UBQLN2: variants seen among roughly 807,000 people sequenced by gnomAD.
The protein encoded by UBQLN2 is ubiquilin 2.
In UBQLN2, 2 loss-of-function variants were observed where a neutral mutation model predicts 22.2. That is an observed-to-expected ratio of 0.09 (90% CI 0.04 to 0.28). UBQLN2 has a LOEUF of 0.28. Ranked by LOEUF, UBQLN2 falls within the 10% of genes least tolerant of loss-of-function variation. The pLI, the probability that UBQLN2 is intolerant of heterozygous loss-of-function variation, is 1.00. For missense variants in UBQLN2, 446 were observed against 505.1 expected, an observed-to-expected ratio of 0.88 and a Z score of 1.12; for synonymous variants, 252 against 206.7, an observed-to-expected ratio of 1.22 and a Z score of -1.88.
Position 56,565,115 on chromosome X carries a change from G to A in UBQLN2, c.1242G>A (p.Pro414=), listed in dbSNP as rs778636006. 5.8e-6 allele frequency: 7 copies of A among 1,211,707 alleles called. No homozygotes were observed. Among genetic ancestry groups the A allele is most frequent in the East Asian group, 5.9e-5 (2 of 33,840 alleles). ...CTGCACAGATGATGCTGAATAGCCC[G>A]CTGTTTACTGCAAATCCTCAGCTGC... ...DLAAQMMLNS[P]LFTANPQLQE... Residue 414 remains proline (P), a synonymous_variant, in exon 1 of 1, where the codon CCG becomes CCA. Transcript: ENST00000338222.
In UBQLN2 at chrX:56,565,811, A is replaced by AAC; in HGVS notation, c.*73_*74dup. On this transcript the variant is annotated 3_prime_UTR_variant, in exon 1 of 1. Coordinates refer to ENST00000338222, the MANE Select transcript of UBQLN2 (RefSeq NM_013444.4). Reference sequence around the variant, plus strand: ...TTTGATAATGGCTCTTAAATCTTTAAACACACACACAAAATCGTTCTTTAC... The same window carrying AAC: ...TTTGATAATGGCTCTTAAATCTTTAAACACACACACACAAAATCGTTCTTTAC... 1 of 1,009,178 alleles carries AAC rather than the reference A, an allele frequency of 9.9e-7. No individual in the cohort carries two copies. The highest frequency in any genetic ancestry group is 1.4e-6 in the Non-Finnish European group (1 of 728,307). 83.2% of individuals were successfully genotyped at this position (1,009,178 alleles called of 1,213,427 possible).
chrX:56,565,734 T>G lies in UBQLN2; in HGVS notation c.1861T>G (p.Ser621Ala). Residue 621 changes from serine (S) to alanine (A), a missense_variant, in exon 1 of 1, where the codon TCC (serine) becomes GCC (alanine). This residue lies in a region of UBQLN2 where 278 missense variants were observed against 279.4 expected (regional missense o/e 1.00). Coordinates refer to ENST00000338222, the MANE Select transcript of UBQLN2 (RefSeq NM_013444.4). ...TGCAGCCATTGAAAGGCTGCTGGGC[T>G]CCCAGCCATCGTAATCACATTTCTG... Reference protein sequence around the residue: ...INAAIERLLGSQPS With the variant: ...INAAIERLLGAQPS 1.7e-6 allele frequency: 2 copies of G among 1,206,942 alleles called. No individual in the cohort carries two copies. Among genetic ancestry groups the G allele is most frequent in the Non-Finnish European group, 2.2e-6 (2 of 892,217 alleles).
chrX:56,566,581 C>T lies in UBQLN2; in HGVS notation c.*833C>T, dbSNP rs1284692846. ...TTAAAATATAGTAGAAATGTTTATC[C>T]TGGTATCTCTAAGTATACATTTAAT... On this transcript the variant is annotated 3_prime_UTR_variant, in exon 1 of 1. Coordinates refer to ENST00000338222, the MANE Select transcript of UBQLN2 (RefSeq NM_013444.4). 1.6e-5 allele frequency: 2 copies of T among 123,319 alleles called. No individual in the cohort carries two copies. Among genetic ancestry groups the T allele is most frequent in the Non-Finnish European group, 3.8e-5 (2 of 53,235 alleles). 10.2% of individuals were successfully genotyped at this position (123,319 alleles called of 1,213,427 possible). A position where few individuals can be genotyped will look rare whatever the true frequency, so the allele number is the denominator to read the frequency against.
chrX:56,566,977 G>C lies in UBQLN2; in HGVS notation c.*1229G>C, dbSNP rs1569255038. 8.2e-6 allele frequency: 1 copy of C among 122,206 alleles called. No individual in the cohort carries two copies. The highest frequency in any genetic ancestry group is 3.3e-5 in the African/African-American group (1 of 30,535). 10.1% of individuals were successfully genotyped at this position (122,206 alleles called of 1,213,427 possible). A position where few individuals can be genotyped will look rare whatever the true frequency, so the allele number is the denominator to read the frequency against. On this transcript the variant is annotated 3_prime_UTR_variant, in exon 1 of 1. Transcript: ENST00000338222. ...CTTTTCTTTTTGCCTTTTGGCCCTA[G>C]GATCGTGTTTAGGAGGATTATCCCA... is the stretch of plus-strand genomic sequence containing the variant.
Position 56,564,787 on chromosome X carries a change from C to T in UBQLN2, c.914C>T (p.Thr305Met), listed in dbSNP as rs1462809847. Residue 305 changes from threonine to methionine, a missense_variant, in exon 1 of 1, where the codon ACG (threonine) becomes ATG (methionine). This residue lies in a region of UBQLN2 where 278 missense variants were observed against 279.4 expected (regional missense o/e 1.00). Coordinates refer to ENST00000338222, the MANE Select transcript of UBQLN2 (RefSeq NM_013444.4). ...VGSSSSSGEG[T>M]QPSRTENRDP... ...AGTAGTTCCTCCTCTGGGGAAGGTA[C>T]GCAGCCTTCCCGCACAGAAAATCGC... 12 of 1,208,866 alleles carry T rather than the reference C, an allele frequency of 9.9e-6. No homozygotes were observed. The highest frequency in any genetic ancestry group is 4.5e-6 in the Non-Finnish European group (4 of 894,807).
rs2068628042 is a variant in UBQLN2, at chrX:56,563,864, C to G, written c.-10C>G. ...CGCCTTCCCTGCCCGCCTGCGTCAC[C>G]GCGGCCGCCATGGCTGAGAATGGCG... On this transcript the variant is annotated 5_prime_UTR_variant, in exon 1 of 1. Coordinates refer to ENST00000338222, the MANE Select transcript of UBQLN2 (RefSeq NM_013444.4). 6 of 1,140,686 alleles carry G rather than the reference C, an allele frequency of 5.3e-6. No individual in the cohort carries two copies. The highest frequency in any genetic ancestry group is 2.8e-5 in the Admixed American group (1 of 35,235). 94.0% of individuals were successfully genotyped at this position (1,140,686 alleles called of 1,213,427 possible).
In UBQLN2 at chrX:56,563,900, C is replaced by A; in HGVS notation, c.27C>A (p.Gly9=). The change falls in exon 1 of 1, where the codon GGC becomes GGA. Residue 9 remains glycine (G), a synonymous_variant. Coordinates refer to ENST00000338222, the MANE Select transcript of UBQLN2 (RefSeq NM_013444.4). The part of the protein sequence containing the change: MAENGESS[G]PPRPSRGPAA... ...TGGCTGAGAATGGCGAGAGCAGCGG[C>A]CCCCCGCGCCCCTCCCGCGGCCCTG... 1.7e-6 allele frequency: 2 copies of A among 1,148,299 alleles called. No homozygotes were observed. Among genetic ancestry groups the A allele is most frequent in the Non-Finnish European group, 2.3e-6 (2 of 863,371 alleles). 94.6% of individuals were successfully genotyped at this position (1,148,299 alleles called of 1,213,427 possible). A position where few individuals can be genotyped will look rare whatever the true frequency, so the allele number is the denominator to read the frequency against.
Position 56,563,888 on chromosome X carries a change from C to T in UBQLN2, c.15C>T (p.Gly5=). Residue 5 remains glycine (G), a synonymous_variant, in exon 1 of 1, where the codon GGC becomes GGT. Coordinates refer to ENST00000338222, the MANE Select transcript of UBQLN2 (RefSeq NM_013444.4). Reference sequence around the variant, plus strand: ...CCGCGGCCGCCATGGCTGAGAATGGCGAGAGCAGCGGCCCCCCGCGCCCCT... The same window carrying T: ...CCGCGGCCGCCATGGCTGAGAATGGTGAGAGCAGCGGCCCCCCGCGCCCCT... MAEN[G]ESSGPPRPSR... is the part of the protein sequence containing the mutation. 1.7e-6 allele frequency: 2 copies of T among 1,151,308 alleles called. No individual in the cohort carries two copies. The highest frequency in any genetic ancestry group is 2.3e-6 in the Non-Finnish European group (2 of 865,626). 94.9% of individuals were successfully genotyped at this position (1,151,308 alleles called of 1,213,427 possible).
chrX:56,565,828 G>T lies in UBQLN2; in HGVS notation c.*80G>T, dbSNP rs978267787. 2.2e-5 allele frequency: 21 copies of T among 960,168 alleles called. No homozygotes were observed. Among genetic ancestry groups the T allele is most frequent in the Non-Finnish European group, 3.1e-5 (21 of 686,298 alleles). 79.1% of individuals were successfully genotyped at this position (960,168 alleles called of 1,213,427 possible). A position where few individuals can be genotyped will look rare whatever the true frequency, so the allele number is the denominator to read the frequency against. ...AATCTTTAAACACACACACAAAATC[G>T]TTCTTTACTTTCATTTTGATTCTTT... On this transcript the variant is annotated 3_prime_UTR_variant, in exon 1 of 1. Coordinates refer to ENST00000338222, the MANE Select transcript of UBQLN2 (RefSeq NM_013444.4).
chrX:56,566,153 A>G lies in UBQLN2; in HGVS notation c.*405A>G, dbSNP rs756184412. 6 of 204,007 alleles carry G rather than the reference A, an allele frequency of 2.9e-5. No individual in the cohort carries two copies. The highest frequency in any genetic ancestry group is 4.7e-5 in the Non-Finnish European group (5 of 105,615). 16.8% of individuals were successfully genotyped at this position (204,007 alleles called of 1,213,427 possible). On this transcript the variant is annotated 3_prime_UTR_variant, in exon 1 of 1. Transcript: ENST00000338222. ...ATCAACCTTCACAGTTGGGTGAACA[A>G]GTGTTGTCCTACAGATGTCCAATTT...
Position 56,564,677 on chromosome X carries a change from A to G in UBQLN2, c.804A>G (p.Leu268=). The change falls in exon 1 of 1, where the codon TTA becomes TTG. Residue 268 remains leucine, a synonymous_variant. Coordinates refer to ENST00000338222, the MANE Select transcript of UBQLN2 (RefSeq NM_013444.4). The part of the protein sequence containing the change: ...LESIPGGYNA[L]RRMYTDIQEP... The stretch of plus-strand genomic sequence containing the variant: ...GCATCCCAGGTGGCTATAATGCTTT[A>G]CGGCGCATGTACACTGACATTCAAG... The G allele has an allele frequency of 8.3e-7, 1 of 1,210,998 alleles. No individual in the cohort carries two copies.
Position 56,565,951 on chromosome X carries a change from A to T in UBQLN2, c.*203A>T. ...CCTTTCTCCTTTGCTTATTTTTCCT[A>T]CCTTCCCTTCCTCTTGTCTCCCCAC... On this transcript the variant is annotated 3_prime_UTR_variant, in exon 1 of 1. Coordinates refer to ENST00000338222, the MANE Select transcript of UBQLN2 (RefSeq NM_013444.4). 2.2e-6 allele frequency: 1 copy of T among 458,083 alleles called. No individual in the cohort carries two copies. Among genetic ancestry groups the T allele is most frequent in the East Asian group, 3.8e-5 (1 of 26,618 alleles). The allele number at this position is 458,083 out of a possible 1,213,427, so 37.8% of individuals were successfully genotyped here. A position where few individuals can be genotyped will look rare whatever the true frequency, so the allele number is the denominator to read the frequency against.
chrX:56,564,507 C>A lies in UBQLN2; in HGVS notation c.634C>A (p.Gln212Lys). ...RQLIMANPQM[Q>K]QLIQRNPEIS... is the part of the protein sequence containing the mutation. ...GCTCATTATGGCTAATCCACAGATGCAGCAATTGATTCAGAGAAACCCAGA... is the reference window on the plus strand; with the variant it reads ...GCTCATTATGGCTAATCCACAGATGAAGCAATTGATTCAGAGAAACCCAGA... Residue 212 changes from glutamine (Q) to lysine (K), a missense_variant, in exon 1 of 1, where the codon CAG (glutamine) becomes AAG (lysine). Gln to Lys is a moderately conservative substitution (Grantham distance 53). This residue lies in a region of UBQLN2 where 129 missense variants were observed against 198.1 expected (regional missense o/e 0.65). Coordinates refer to ENST00000338222, the MANE Select transcript of UBQLN2 (RefSeq NM_013444.4). The A allele has an allele frequency of 1.7e-6, 2 of 1,211,786 alleles. No homozygotes were observed.
Position 56,563,778 on chromosome X carries a change from C to A in UBQLN2, c.-96C>A, listed in dbSNP as rs969663715. ...GCGCTCCCCGCCTGACCCGGCCCAG[C>A]CCGCTGCGGCGGTGCCTCCTTCCTT... On this transcript the variant is annotated 5_prime_UTR_variant, in exon 1 of 1. Coordinates refer to ENST00000338222, the MANE Select transcript of UBQLN2 (RefSeq NM_013444.4). 4 of 690,198 alleles carry A rather than the reference C, an allele frequency of 5.8e-6. No homozygotes were observed. Among genetic ancestry groups the A allele is most frequent in the Non-Finnish European group, 6.4e-6 (3 of 465,418 alleles). 56.9% of individuals were successfully genotyped at this position (690,198 alleles called of 1,213,427 possible). A position where few individuals can be genotyped will look rare whatever the true frequency, so the allele number is the denominator to read the frequency against.
In UBQLN2 at chrX:56,565,175, G is replaced by T. The variant is rs759543866; in HGVS notation, c.1302G>T (p.Leu434=). Reference sequence around the variant, plus strand: ...TGCGGCCACAGCTCCCAGCCTTCCTGCAGCAGATGCAGAATCCAGACACAC... The same window carrying T: ...TGCGGCCACAGCTCCCAGCCTTCCTTCAGCAGATGCAGAATCCAGACACAC... ...EQMRPQLPAF[L]QQMQNPDTLS... is the part of the protein sequence containing the mutation. Residue 434 remains leucine, a synonymous_variant, in exon 1 of 1, where the codon CTG becomes CTT. Coordinates refer to ENST00000338222, the MANE Select transcript of UBQLN2 (RefSeq NM_013444.4). 37 of 1,210,110 alleles carry T rather than the reference G, an allele frequency of 3.1e-5. No individual in the cohort carries two copies. The highest frequency in any genetic ancestry group is 2.3e-4 in the Middle Eastern group (1 of 4,371).
Position 56,564,928 on chromosome X carries a change from A to G in UBQLN2, c.1055A>G (p.Asn352Ser), listed in dbSNP as rs771519398. Reference sequence around the variant, plus strand: ...AATAGTTCCAGCAATGCTACTGGGAACACCGTTGCTGCCGCTAATTATGTC... The same window carrying G: ...AATAGTTCCAGCAATGCTACTGGGAGCACCGTTGCTGCCGCTAATTATGTC... ...SGNSSSNATG[N>S]TVAAANYVAS... is the part of the protein sequence containing the mutation. The change falls in exon 1 of 1, where the codon AAC becomes AGC. Residue 352 changes from asparagine to serine, a missense_variant. Asn to Ser is a conservative substitution (Grantham distance 46, BLOSUM62 1). Around this residue, in one of 3 missense-constraint regions of UBQLN2, gnomAD observed 278 missense variants for 279.4 expected, o/e 1.00. Transcript: ENST00000338222. The G allele has an allele frequency of 9.1e-6, 11 of 1,211,107 alleles. No individual in the cohort carries two copies. The East Asian group carries it at 3.3e-4, about 36-fold the overall frequency.
chrX:56,565,734 T>C lies in UBQLN2; in HGVS notation c.1861T>C (p.Ser621Pro). 1 of 1,206,942 alleles carries C rather than the reference T, an allele frequency of 8.3e-7. No individual in the cohort carries two copies. The highest frequency in any genetic ancestry group is 1.1e-6 in the Non-Finnish European group (1 of 892,217). ...TGCAGCCATTGAAAGGCTGCTGGGC[T>C]CCCAGCCATCGTAATCACATTTCTG... ...INAAIERLLG[S>P]QPS Residue 621 changes from serine (S) to proline (P), a missense_variant, in exon 1 of 1, where the codon TCC (serine) becomes CCC (proline). Around this residue, in one of 3 missense-constraint regions of UBQLN2, gnomAD observed 278 missense variants for 279.4 expected, o/e 1.00. Transcript: ENST00000338222.
rs760349190 is a variant in UBQLN2 at position 56,565,905 on chromosome X, T to G, written c.*157T>G. ...ATGATGCATTTTAAGATGGAGTCCC[T>G]CCCTCCTACTTCCCTCACTCCCTTT... On this transcript the variant is annotated 3_prime_UTR_variant, in exon 1 of 1. Transcript: ENST00000338222. 1.8e-5 allele frequency: 10 copies of G among 550,935 alleles called. No homozygotes were observed. The highest frequency in any genetic ancestry group is 6.2e-5 in the Admixed American group (2 of 32,453). The allele number at this position is 550,935 out of a possible 1,213,427, so 45.4% of individuals were successfully genotyped here.
Position 56,565,536 on chromosome X carries a change from C to T in UBQLN2, c.1663C>T (p.Pro555Ser), listed in dbSNP as rs750197486. ...CACGAGTCCTACATCAGAATCTGGA[C>T]CCAACCAGCAGTTCATTCAGCAAAT... is the stretch of plus-strand genomic sequence containing the variant. Reference protein sequence around the residue: ...ETTSPTSESGPNQQFIQQMVQ... With the variant: ...ETTSPTSESGSNQQFIQQMVQ... Residue 555 changes from proline to serine, a missense_variant, in exon 1 of 1, where the codon CCC becomes TCC. This residue lies in a region of UBQLN2 where 278 missense variants were observed against 279.4 expected (regional missense o/e 1.00). Transcript: ENST00000338222. The T allele has an allele frequency of 9.9e-6, 12 of 1,211,189 alleles. No homozygotes were observed. The highest frequency in any genetic ancestry group is 3.5e-5 in the South Asian group (2 of 56,811).
Sources: allele counts gnomAD v4.1 joint callset, GRCh38; gene constraint gnomAD v4.1.1; regional missense constraint gnomAD v4.1.1; transcripts MANE v1.5; gene names NCBI Gene and HGNC (gene_info 2026-07-23, HGNC 2026-07-21).